Variants in EXOC1 observed in about 807,000 individuals in gnomAD.
EXOC1 encodes SEC3-like 1.
A neutral mutation model predicts 107.7 loss-of-function variants in EXOC1; 67 were observed. That is an observed-to-expected ratio of 0.62 (90% confidence interval 0.51 to 0.76). The LOEUF (loss-of-function observed/expected upper bound fraction) is 0.76, where lower values mean the gene tolerates loss of function less well. EXOC1 is among the 30% of genes least tolerant of loss of function. EXOC1 has a pLI of 0.00. For missense variants in EXOC1, 833 were observed against 1,055.7 expected (o/e 0.79, Z 2.92); for synonymous variants, 348 against 353.5 (o/e 0.98, Z 0.17).
intron 4 of EXOC1, among the ~76,000 whole-genome samples, chr4:55,866,631 T>A (rs191011248): frequency 1.3e-5 from 2 of 152,228 alleles, no homozygotes; most frequent in Admixed American, 1.3e-4. Context: ...CTAAGAGAAA[T>A]TAGAAAGATA....
Position 55,870,719 on chromosome 4 carries a change from C to T in EXOC1, c.645C>T (p.Asn215=), listed in dbSNP as rs1367716429. 6.2e-7 allele frequency: 1 copy of T among 1,613,824 alleles called. No homozygotes were observed. The highest frequency in any genetic ancestry group is 1.1e-5 in the South Asian group (1 of 91,072). The part of the protein sequence containing the change: ...QSIMASEKQV[N]ILMKLLDEAL... ...TCATGGCATCTGAAAAACAAGTCAA[C>T]ATCCTGATGAAATTGCTAGATGAGG... The change falls in exon 6 of 19, where the codon AAC becomes AAT. Residue 215 remains asparagine, a synonymous_variant. Coordinates refer to ENST00000381295, the MANE Select transcript of EXOC1 (RefSeq NM_001024924.2).
At chr4:55,895,091 T>A (rs1156258153) in intron 15 of EXOC1, among the ~76,000 whole-genome samples, 1 of 152,212 alleles carries the variant, frequency 6.6e-6, no homozygotes, top group African/African-American at 2.4e-5. Context: ...GGTTTGCCAC[T>A]GAAGAGGAGG....
chr4:55,877,146 A>G (rs893702186), intron 8 of EXOC1: 3 of 980,080 alleles, frequency 3.1e-6, no homozygotes, highest in Non-Finnish European at 3.6e-6. Flanking sequence ...CAGGACGCTT[A>G]TTTAGCTAAT....
Position 55,864,352 on chromosome 4 carries a change from T to G in EXOC1, c.381T>G (p.Ile127Met), listed in dbSNP as rs1367896743. The G allele has an allele frequency of 6.2e-7, 1 of 1,610,194 alleles. No homozygotes were observed. Among genetic ancestry groups the G allele is most frequent in the Admixed American group, 1.7e-5 (1 of 59,612 alleles). ...ATCAGCGATATCTCCGGAAGAAAATTGATTTTGTCAATGTTAGCTCACAGC... is the reference window on the plus strand; with the variant it reads ...ATCAGCGATATCTCCGGAAGAAAATGGATTTTGTCAATGTTAGCTCACAGC... ...KLNQRYLRKK[I>M]DFVNVSSQLL... Residue 127 changes from isoleucine (I) to methionine (M), a missense_variant, in exon 4 of 19, where the codon ATT becomes ATG. By Grantham distance (10) the Ile-to-Met change is conservative. Transcript: ENST00000381295.
chr4:55,902,991 A>C (rs1436218988), intron 18 of EXOC1, among the ~76,000 whole-genome samples: 1 of 151,934 alleles, frequency 6.6e-6, no homozygotes, highest in Non-Finnish European at 1.5e-5. Flanking sequence ...AAAAATTAAA[A>C]AAATTAGCTG....
chr4:55,864,899 A>C (rs1327506061), intron 4 of EXOC1, among the ~76,000 whole-genome samples: 1 of 152,184 alleles, frequency 6.6e-6, no homozygotes, highest in East Asian at 1.9e-4. Flanking sequence ...CAGAGGGTAG[A>C]TGTAGTGGTT....
At chr4:55,876,061 G>T (rs1722867711) in intron 8 of EXOC1, 7 of 984,500 alleles carry the variant, frequency 7.1e-6, no homozygotes, top group Non-Finnish European at 8.4e-6. Context: ...GTAATAGAAT[G>T]TTTATATTGA....
At position 55,860,460 on chromosome 4, in the gene EXOC1, C is replaced by T. The variant is rs553814186; in HGVS notation, c.174C>T (p.Ser58=). 252 of 1,613,858 alleles carry T rather than the reference C, an allele frequency of 1.6e-4. 1 individual carries two copies. The South Asian group carries it at 2.4e-3, about 15-fold the overall frequency. ...VQVKVVKVKK[S]DKGDFYKRQI... is the part of the protein sequence containing the mutation. ...TTAAGGTGGTCAAAGTCAAGAAATCCGATAAGGGAGATTTCTACAAAAGGC... is the reference window on the plus strand; with the variant it reads ...TTAAGGTGGTCAAAGTCAAGAAATCTGATAAGGGAGATTTCTACAAAAGGC... Residue 58 remains serine (S), a synonymous_variant, in exon 3 of 19, where the codon TCC becomes TCT. Coordinates refer to ENST00000381295, the MANE Select transcript of EXOC1 (RefSeq NM_001024924.2).
At chr4:55,859,278 A>AT (rs1560327994) in intron 2 of EXOC1, among the ~76,000 whole-genome samples, 1 of 152,014 alleles carries the variant, frequency 6.6e-6, no homozygotes, top group Non-Finnish European at 1.5e-5. Context: ...ACAGTTCTCT[A>AT]TTTATCTAGG....
chr4:55,882,063 A>G (rs1723434980), intron 9 of EXOC1, among the ~76,000 whole-genome samples: 1 of 152,154 alleles, frequency 6.6e-6, no homozygotes, highest in Non-Finnish European at 1.5e-5. Context: ...AGCATTCTAA[A>G]GTACCATCTT....
At chr4:55,894,595 A>G (rs1724970474) in intron 15 of EXOC1, among the ~76,000 whole-genome samples, 1 of 141,304 alleles carries the variant, frequency 7.1e-6, no homozygotes, top group Admixed American at 7.1e-5. Context: ...AAATTTGACA[A>G]CTTTCTTACT....
rs769557546 is a variant in EXOC1, at chr4:55,871,231, C to T, written c.962C>T (p.Pro321Leu). The change falls in exon 7 of 19, where the codon CCA becomes CTA. Residue 321 changes from proline to leucine, a missense_variant and splice_region_variant. Physicochemically the swap from Pro to Leu is moderately conservative, Grantham distance 98. This residue lies in a region of EXOC1 where 617 missense variants were observed against 701.3 expected (regional missense o/e 0.88). Transcript: ENST00000381295. ...LLQCMNVALR[P>L]GHDLLLAVKQ... Reference sequence around the variant, plus strand: ...CAGTGCATGAATGTAGCTCTTCGACCAGGTATGTTCATTAGAAATGACAAA... The same window carrying T: ...CAGTGCATGAATGTAGCTCTTCGACTAGGTATGTTCATTAGAAATGACAAA... 8 of 1,606,866 alleles carry T rather than the reference C, an allele frequency of 5.0e-6. No homozygotes were observed. The highest frequency in any genetic ancestry group is 1.7e-5 in the Admixed American group (1 of 59,092).
In EXOC1 at chr4:55,855,441, G is replaced by A. The variant is rs181179414; in HGVS notation, c.-11+1488G>A. ...AAAGTTAGGAAAGGGGAATCTTGGA[G>A]GAGCTATAGCTGTCATGTTAGTGAA... On this transcript the variant is annotated intron_variant, in intron 1 of 18. Coordinates refer to ENST00000381295, the MANE Select transcript of EXOC1 (RefSeq NM_001024924.2). Among the ~76,000 whole-genome samples the A allele has an allele frequency of 1.1e-4, 16 of 152,276 alleles. No homozygotes were observed. The East Asian group carries it at 3.1e-3, about 29-fold the overall frequency.
intron 16 of EXOC1, among the ~76,000 whole-genome samples, chr4:55,897,649 ATTG>A (rs1725395906): frequency 1.3e-5 from 2 of 150,000 alleles, no homozygotes; most frequent in South Asian, 4.2e-4. Flanking sequence ...CATCTCACCA[ATTG>A]TTGCCCAGGT....
chr4:55,858,566 C>T (rs1187911689), intron 2 of EXOC1, 119 bp downstream of exon 2: 3 of 1,109,018 alleles, frequency 2.7e-6, no homozygotes, highest in Non-Finnish European at 3.7e-6. Context: ...TGGGTCAACA[C>T]ATTCCTAGTT....
intron 10 of EXOC1, among the ~76,000 whole-genome samples, chr4:55,884,164 C>T (rs538207033): frequency 1.3e-5 from 2 of 152,082 alleles, no homozygotes; most frequent in African/African-American, 2.4e-5. Flanking sequence ...TGTATTCATG[C>T]TGTAATCAAA....
chr4:55,867,919 A>G (rs1722100473), intron 4 of EXOC1, among the ~76,000 whole-genome samples: 1 of 152,212 alleles, frequency 6.6e-6, no homozygotes, highest in Non-Finnish European at 1.5e-5. Context: ...ACCTGGGAAA[A>G]AAAGGAAAGC....
chr4:55,880,323 T>A (rs1014040883), intron 9 of EXOC1, among the ~76,000 whole-genome samples: 3 of 151,914 alleles, frequency 2.0e-5, no homozygotes, highest in African/African-American at 7.2e-5. Flanking sequence ...AAAAAAAATC[T>A]CCTGAGGTGC....
In EXOC1 at chr4:55,860,536, A is replaced by G. The variant is rs151033094; in HGVS notation, c.250A>G (p.Ile84Val). 35 of 1,613,726 alleles carry G rather than the reference A, an allele frequency of 2.2e-5. No individual in the cohort carries two copies. Among genetic ancestry groups the G allele is most frequent in the Non-Finnish European group, 3.0e-5 (35 of 1,179,792 alleles). Residue 84 changes from isoleucine (I) to valine (V), a missense_variant, in exon 3 of 19, where the codon ATC (isoleucine) becomes GTC (valine). Physicochemically the swap from Ile to Val is conservative, Grantham distance 29. Transcript: ENST00000381295. The part of the protein sequence containing the change: ...DLAVVDAKDA[I>V]KENPEFDLHF... ...TGCTGTGGTAGATGCCAAAGATGCTATCAAAGTAGGTTTTTCTCAGTTCTT... is the reference window on the plus strand; with the variant it reads ...TGCTGTGGTAGATGCCAAAGATGCTGTCAAAGTAGGTTTTTCTCAGTTCTT...
Sources: gnomAD v4.1 joint callset for allele counts (sites outside exome capture counted in the v4.1 genomes callset) on GRCh38, gnomAD v4.1.1 for gene constraint, gnomAD v4.1.1 regional missense constraint, MANE v1.5 for transcripts, NCBI Gene and HGNC (gene_info 2026-07-23, HGNC 2026-07-21) for gene names.